RTL4: variants seen among roughly 807,000 people sequenced by gnomAD.
RTL4 encodes the protein retrotransposon Gag like 4, also known as retrotransposon Gag-like protein 4.
Under a neutral mutation model 5.3 loss-of-function variants are expected in RTL4, and 4 were observed. The observed-to-expected ratio is 0.75, with a 90% CI of 0.37 to 1.72. The LOEUF is 1.72. Among genes scored for constraint, RTL4 ranks in the 40% most tolerant of loss-of-function variants. RTL4 has a pLI of 0.04. For missense variants in RTL4, 260 were observed against 227.1 expected, an observed-to-expected ratio of 1.14 and a Z score of -0.93; for synonymous variants, 98 against 87.3, an observed-to-expected ratio of 1.12 and a Z score of -0.68.
chrX:112,419,594 TTTTTAC>T, the RTL4 span, among the ~76,000 whole-genome samples: 38 of 47,633 alleles, frequency 8.0e-4, no homozygotes, highest in Non-Finnish European at 9.7e-4. Context: ...TATATATATA[TTTTTAC>T]ATATGTATAT....
At chrX:112,111,184 T>C in the RTL4 span, among the ~76,000 whole-genome samples, 1 of 111,749 alleles carries the variant, frequency 8.9e-6, no homozygotes, top group Non-Finnish European at 1.9e-5. Flanking sequence ...TCTCTTCCTC[T>C]CTCTGTCTCT....
the RTL4 span, among the ~76,000 whole-genome samples, chrX:112,333,843 G>T: frequency 7.2e-5 from 8 of 111,193 alleles, no homozygotes; most frequent in Admixed American, 7.7e-4. Context: ...GTACAATTAA[G>T]TTATTATTGG....
At chrX:112,256,315 T>A in the RTL4 span, among the ~76,000 whole-genome samples, 1 of 112,144 alleles carries the variant, frequency 8.9e-6, no homozygotes, top group African/African-American at 3.2e-5. Flanking sequence ...ATTGTTTTCA[T>A]TTTCTTATAA....
the RTL4 span, among the ~76,000 whole-genome samples, chrX:112,153,418 CCAAT>C: frequency 6.3e-4 from 71 of 111,867 alleles, no homozygotes; most frequent in African/African-American, 1.8e-3. Context: ...ATTCCATTTC[CCAAT>C]CAATCAAAGT....
chrX:112,331,835 A>G, the RTL4 span, among the ~76,000 whole-genome samples: 3 of 94,001 alleles, frequency 3.2e-5, no homozygotes, highest in Non-Finnish European at 6.3e-5. Flanking sequence ...GCCATAAAAA[A>G]TGATGAGTTC....
At chrX:112,435,285 T>G in the RTL4 span, among the ~76,000 whole-genome samples, 1 of 111,800 alleles carries the variant, frequency 8.9e-6, no homozygotes, top group South Asian at 3.7e-4. Context: ...GACAACCCCT[T>G]GCACATGTTT....
At chrX:112,301,125 A>T in the RTL4 span, among the ~76,000 whole-genome samples, 1 of 111,791 alleles carries the variant, frequency 8.9e-6, no homozygotes, top group Non-Finnish European at 1.9e-5. Flanking sequence ...AGGCACTGAC[A>T]GTGGTTGGTA....
exon 1 of RTL4, chrX:112,456,549 GA>G (rs775828496): frequency 3.4e-6 from 1 of 295,311 alleles, no homozygotes; most frequent in Non-Finnish European, 6.1e-6. Flanking sequence ...GAGAGTTGGG[GA>G]TGGTGTGTCA....
At chrX:112,433,242 A>G in the RTL4 span, among the ~76,000 whole-genome samples, 1 of 109,508 alleles carries the variant, frequency 9.1e-6, no homozygotes, top group Admixed American at 9.8e-5. Flanking sequence ...TATGAACTTT[A>G]AAGTATTTTT....
At chrX:112,158,047 A>C in the RTL4 span, among the ~76,000 whole-genome samples, 3 of 110,669 alleles carry the variant, frequency 2.7e-5, no homozygotes, top group Non-Finnish European at 3.8e-5. Flanking sequence ...GCTTGCCTTT[A>C]CCACACTGGC....
chrX:112,165,467 A>G, the RTL4 span, among the ~76,000 whole-genome samples: 4,150 of 110,987 alleles, frequency 0.037, 164 homozygotes, highest in African/African-American at 0.12. Flanking sequence ...TAGGTCCTTA[A>G]CAAATCCTGG....
chrX:112,274,255 G>A, the RTL4 span, among the ~76,000 whole-genome samples: 619 of 111,671 alleles, frequency 5.5e-3, 5 homozygotes, highest in Non-Finnish European at 9.8e-3. Flanking sequence ...GTCTGGAAAG[G>A]AAGGTGAATT....
chrX:112,196,342 G>C, the RTL4 span, among the ~76,000 whole-genome samples: 4 of 111,356 alleles, frequency 3.6e-5, no homozygotes, highest in African/African-American at 1.3e-4. Flanking sequence ...CTGAGTAGTA[G>C]TCCGTGGTAT....
the RTL4 span, among the ~76,000 whole-genome samples, chrX:112,345,152 C>T: frequency 9.0e-6 from 1 of 111,279 alleles, no homozygotes; most frequent in Non-Finnish European, 1.9e-5. Flanking sequence ...CACCCCCAGC[C>T]TAGCTCCCAT....
the RTL4 span, among the ~76,000 whole-genome samples, chrX:112,098,243 A>G: frequency 2.8e-5 from 3 of 108,801 alleles, no homozygotes; most frequent in African/African-American, 1.0e-4. Context: ...GTTTGCTGAG[A>G]ATGATGGTTT....
the RTL4 span, among the ~76,000 whole-genome samples, chrX:112,328,578 T>G: frequency 9.0e-6 from 1 of 111,614 alleles, no homozygotes; most frequent in Admixed American, 9.5e-5. Flanking sequence ...AACACCCCAC[T>G]GTCAACATTA....
the RTL4 span, among the ~76,000 whole-genome samples, chrX:112,146,908 A>G: frequency 9.6e-6 from 1 of 104,320 alleles, no homozygotes; most frequent in African/African-American, 3.5e-5. Context: ...ATAGTAAGCA[A>G]TATTTGTCCA....
the RTL4 span, among the ~76,000 whole-genome samples, chrX:112,164,806 A>C: frequency 8.9e-6 from 1 of 112,141 alleles, no homozygotes; most frequent in Admixed American, 9.4e-5. Flanking sequence ...CTCTCTTAAA[A>C]GAATCACCTC....
At chrX:112,354,221 G>A in the RTL4 span, among the ~76,000 whole-genome samples, 1 of 111,025 alleles carries the variant, frequency 9.0e-6, no homozygotes, top group Non-Finnish European at 1.9e-5. Flanking sequence ...TATAGGACAT[G>A]GACTTGGAAC....
Sources: allele counts gnomAD v4.1 joint callset (sites outside exome capture counted in the v4.1 genomes callset), GRCh38; gene constraint gnomAD v4.1.1; transcripts MANE v1.5; gene names NCBI Gene and HGNC (gene_info 2026-07-23, HGNC 2026-07-21).